The following RELL1 variants were observed in gnomAD, a reference collection of about 807,000 sequenced individuals.
RELL1 encodes RELT-like protein 1.
A neutral mutation model predicts 23.0 loss-of-function variants in RELL1; 10 were observed. The ratio of observed to expected loss-of-function variants is 0.43; its 90% confidence interval spans 0.27 to 0.74. The LOEUF is 0.74. Ranked by LOEUF, RELL1 falls within the 30% of genes least tolerant of loss-of-function variation. RELL1 has a pLI of 0.19. For missense variants in RELL1, 315 were observed against 364.4 expected (o/e 0.86, Z 1.10); for synonymous variants, 146 against 146.8 (o/e 0.99, Z 0.04).
intron 6 of RELL1, among the ~76,000 whole-genome samples, chr4:37,593,381 A>C (rs79572566): frequency 0.027 from 4,135 of 152,304 alleles, 220 homozygotes; most frequent in South Asian, 0.13. Flanking sequence ...CCGCATATGA[A>C]TGACCCATGC....
chr4:37,595,498 G>A (rs6856055), intron 6 of RELL1, among the ~76,000 whole-genome samples: 5,518 of 151,808 alleles, frequency 0.036, 251 homozygotes, highest in East Asian at 0.26. Context: ...CATAAAAGAA[G>A]TCTGGAGTTA....
chr4:37,616,591 T>C (rs1336158587), intron 6 of RELL1, among the ~76,000 whole-genome samples: 1 of 152,256 alleles, frequency 6.6e-6, no homozygotes. Flanking sequence ...AGTATACACC[T>C]ACACAACACT....
intron 1 of RELL1, among the ~76,000 whole-genome samples, chr4:37,666,851 A>G (rs1275067915): frequency 6.6e-6 from 1 of 152,190 alleles, no homozygotes; most frequent in Non-Finnish European, 1.5e-5. Flanking sequence ...TCCTAAACGA[A>G]GGGTTTTCCA....
intron 6 of RELL1, among the ~76,000 whole-genome samples, chr4:37,592,208 CAAAAA>C (rs34307749): frequency 7.5e-5 from 7 of 93,380 alleles, no homozygotes; most frequent in Non-Finnish European, 2.0e-5. Context: ...GACTCCATCT[CAAAAA>C]AAAAAAAAAA....
chr4:37,616,797 CTTAG>C (rs1441691061), intron 6 of RELL1, among the ~76,000 whole-genome samples: 1 of 152,182 alleles, frequency 6.6e-6, no homozygotes, highest in Non-Finnish European at 1.5e-5. Flanking sequence ...GCTCACACTT[CTTAG>C]TTAGAGATTT....
intron 5 of RELL1, among the ~76,000 whole-genome samples, chr4:37,633,725 C>A (rs114336709): frequency 0.026 from 3,901 of 152,230 alleles, 67 homozygotes; most frequent in Non-Finnish European, 0.035. Flanking sequence ...TGCGTAAGTA[C>A]CCAAAGCTGG....
At chr4:37,587,542 T>C (rs900490516), downstream of RELL1, among the ~76,000 whole-genome samples, 2 of 152,124 alleles carry the variant, frequency 1.3e-5, no homozygotes, top group African/African-American at 4.8e-5. Context: ...AATTCACCTA[T>C]GATTGAAAGA....
At chr4:37,608,602 G>T (rs764393433), downstream of RELL1, among the ~76,000 whole-genome samples, 10 of 151,804 alleles carry the variant, frequency 6.6e-5, no homozygotes, top group Non-Finnish European at 1.3e-4. Flanking sequence ...GCAGAAAAAA[G>T]GTTGGAAGCC....
In RELL1 at chr4:37,598,252, C is replaced by CAAAAAAA. The variant is rs56142508; in HGVS notation, c.*4-7042_*4-7036dup. Among the ~76,000 whole-genome samples, 22 of 11,336 alleles carry CAAAAAAA rather than the reference C, an allele frequency of 1.9e-3. 2 individuals are homozygous for CAAAAAAA. Among genetic ancestry groups the CAAAAAAA allele is most frequent in the African/African-American group, 4.9e-3 (13 of 2,672 alleles). The allele number at this position is 11,336 out of a possible 152,430, so 7.4% of individuals were successfully genotyped here. ...TGGGAAACAAAGTGCAACTCTGTCT[C>CAAAAAAA]AAAAAAAAAAAAAAAAAAAAAAAAA... On this transcript the variant is annotated intron_variant, in intron 6 of 6. Coordinates refer to the RELL1 transcript ENST00000314117.
chr4:37,623,144 T>C (rs1577570824), intron 6 of RELL1: 2 of 299,314 alleles, frequency 6.7e-6, no homozygotes, highest in Non-Finnish European at 1.3e-5. Flanking sequence ...TCCATTGATC[T>C]GAACTAGCAA....
chr4:37,686,208 AC>A lies in RELL1; in HGVS notation c.79del (p.Val27TrpfsTer78). 6.3e-7 allele frequency: 1 copy of A among 1,580,508 alleles called. No homozygotes were observed. Reference sequence around the variant, plus strand: ...TACGACCGGACACTCACCCGGAGCCACCAGCGGCGAACTCACGGCGCCTCCC... The same window carrying A: ...TACGACCGGACACTCACCCGGAGCCACAGCGGCGAACTCACGGCGCCTCCC... Reference protein sequence around the residue: ...FVGGAVSSPLVAPDNGSSRTL... With the variant: ...FVGGAVSSPLXAPDNGSSRTL... On this transcript the variant is annotated frameshift_variant, in exon 1 of 7. Transcript: ENST00000454158. LOFTEE classifies it high-confidence loss of function.
In RELL1 at chr4:37,612,342, A is replaced by C. The variant is rs747599645; in HGVS notation, c.*1004T>G. ...AAGGTTAAAAAAAAAAAAAAAACAA[A>C]AAAAAACAAAAAACCGGGTGCAGTG... On this transcript the variant is annotated 3_prime_UTR_variant, in exon 7 of 7. Coordinates refer to ENST00000454158, the MANE Select transcript of RELL1 (RefSeq NM_001085400.2). Among the ~76,000 whole-genome samples, 25,407 of 131,714 alleles carry C rather than the reference A, an allele frequency of 0.19. 3,149 individuals are homozygous for C. Among genetic ancestry groups the C allele is most frequent in the African/African-American group, 0.38 (13,055 of 34,754 alleles). The allele number at this position is 131,714 out of a possible 152,430, so 86.4% of individuals were successfully genotyped here.
intron 6 of RELL1, among the ~76,000 whole-genome samples, chr4:37,625,421 T>C (rs1281842288): frequency 6.6e-6 from 1 of 152,166 alleles, no homozygotes; most frequent in Non-Finnish European, 1.5e-5. Context: ...AGTGAAGAGA[T>C]AACTTATAAA....
chr4:37,595,802 C>T (rs565034045), intron 6 of RELL1, among the ~76,000 whole-genome samples: 2 of 152,222 alleles, frequency 1.3e-5, no homozygotes, highest in South Asian at 2.1e-4. Flanking sequence ...ACCCTAAGGA[C>T]GGTAATCCCA....
At chr4:37,593,613 A>G (rs1436348106) in intron 6 of RELL1, among the ~76,000 whole-genome samples, 1 of 152,186 alleles carries the variant, frequency 6.6e-6, no homozygotes, top group Non-Finnish European at 1.5e-5. Flanking sequence ...TGCAAGAGAG[A>G]CTAGGAAATC....
intron 6 of RELL1, among the ~76,000 whole-genome samples, chr4:37,626,565 A>T (rs1160380443): frequency 2.0e-5 from 3 of 152,198 alleles, no homozygotes; most frequent in Non-Finnish European, 4.4e-5. Context: ...TGAAATCAGT[A>T]TGTCAAAGAG....
At chr4:37,587,571 G>A (rs1203389612), downstream of RELL1, among the ~76,000 whole-genome samples, 1 of 152,214 alleles carries the variant, frequency 6.6e-6, no homozygotes, top group African/African-American at 2.4e-5. Context: ...GGGACAACAT[G>A]GGAGACAGAG....
intron 2 of RELL1, among the ~76,000 whole-genome samples, chr4:37,648,381 C>T (rs1388616886): frequency 2.0e-5 from 3 of 152,230 alleles, no homozygotes; most frequent in Admixed American, 6.5e-5. Flanking sequence ...AACAGTCCAG[C>T]AAGCTGGCAA....
At chr4:37,607,585 T>C (rs998534630), downstream of RELL1, among the ~76,000 whole-genome samples, 9 of 148,764 alleles carry the variant, frequency 6.0e-5, no homozygotes, top group Admixed American at 5.3e-4. Context: ...TTTTCTTTTT[T>C]TTTTTTTTTT....
Sources: gnomAD v4.1 joint callset for allele counts (sites outside exome capture counted in the v4.1 genomes callset) on GRCh38, gnomAD v4.1.1 for gene constraint, MANE v1.5 for transcripts, NCBI Gene and HGNC (gene_info 2026-07-23, HGNC 2026-07-21) for gene names.